The following NBEA variants were observed in gnomAD, a reference collection of about 807,000 sequenced individuals.
NBEA encodes neurobeachin.
In NBEA, 44 loss-of-function variants were observed where a neutral mutation model predicts 343.4. That is an observed-to-expected ratio of 0.13 (90% CI 0.10 to 0.16). The LOEUF is 0.16. NBEA is among the 10% of genes least tolerant of loss of function. The probability of loss-of-function intolerance (pLI) is 1.00; values close to 1 mark genes in which losing one functional copy is unlikely to be tolerated. For synonymous variants in NBEA, 1,175 were observed against 1,238.7 expected (o/e 0.95, Z 1.08); for missense variants, 2,555 against 3,631.3 (o/e 0.70, Z 7.62).
At chr13:35,648,604 C>T (rs2084360919) in intron 51 of NBEA, among the ~76,000 whole-genome samples, 1 of 152,082 alleles carries the variant, frequency 6.6e-6, no homozygotes, top group African/African-American at 2.4e-5. Flanking sequence ...AAACTCTAAG[C>T]TTTCTAAGTT....
At chr13:35,291,909 A>G (rs1056303353) in intron 35 of NBEA, among the ~76,000 whole-genome samples, 2 of 152,024 alleles carry the variant, frequency 1.3e-5, no homozygotes, top group African/African-American at 2.4e-5. Context: ...CAGCAAAGCA[A>G]TGTTGTAAAC....
At chr13:35,125,499 G>T (rs1467922395) in intron 17 of NBEA, among the ~76,000 whole-genome samples, 1 of 152,156 alleles carries the variant, frequency 6.6e-6, no homozygotes, top group Non-Finnish European at 1.5e-5. Context: ...ATATCACAAA[G>T]AATTACACAG....
chr13:34,943,686 C>T (rs899488600), intron 1 of NBEA, among the ~76,000 whole-genome samples: 11 of 152,126 alleles, frequency 7.2e-5, no homozygotes, highest in African/African-American at 2.7e-4. Context: ...TGTCTGTATC[C>T]ATCCCCCTCC....
chr13:35,001,330 A>G (rs752324726), intron 1 of NBEA, among the ~76,000 whole-genome samples: 3 of 152,168 alleles, frequency 2.0e-5, no homozygotes, highest in Non-Finnish European at 2.9e-5. Context: ...GGATATATCC[A>G]AATGAAAGAA....
chr13:35,122,141 G>C (rs2066835786), intron 16 of NBEA, among the ~76,000 whole-genome samples: 1 of 152,068 alleles, frequency 6.6e-6, no homozygotes, highest in Admixed American at 6.6e-5. Context: ...TTGTATATTA[G>C]TGGAGGCTAT....
chr13:35,264,462 C>T (rs1029740240), intron 34 of NBEA, among the ~76,000 whole-genome samples: 6 of 151,894 alleles, frequency 4.0e-5, no homozygotes, highest in African/African-American at 1.2e-4. Flanking sequence ...AACTGTAATA[C>T]GATATCCCTG....
intron 30 of NBEA, among the ~76,000 whole-genome samples, chr13:35,193,228 G>A (rs1423782505): frequency 6.6e-6 from 1 of 151,808 alleles, no homozygotes; most frequent in Admixed American, 6.6e-5. Flanking sequence ...ATATTCAGTG[G>A]TATCTCTAAT....
intron 41 of NBEA, among the ~76,000 whole-genome samples, chr13:35,550,182 G>T (rs1471843279): frequency 6.6e-6 from 1 of 152,152 alleles, no homozygotes. Context: ...TGTCTCACAG[G>T]TGGTCACCTG....
chr13:34,977,250 C>T (rs2060210579), intron 1 of NBEA, among the ~76,000 whole-genome samples: 1 of 150,680 alleles, frequency 6.6e-6, no homozygotes, highest in Admixed American at 6.6e-5. Flanking sequence ...AGACCTATTA[C>T]CTTTGCTTAT....
intron 1 of NBEA, among the ~76,000 whole-genome samples, chr13:35,023,333 A>G: frequency 6.6e-6 from 1 of 152,178 alleles, no homozygotes; most frequent in East Asian, 1.9e-4. Flanking sequence ...CCTACAGGTC[A>G]GATGCCTAAG....
chr13:35,270,776 G>C (rs59805883), intron 34 of NBEA, among the ~76,000 whole-genome samples: 6 of 152,180 alleles, frequency 3.9e-5, no homozygotes, highest in Non-Finnish European at 7.3e-5. Context: ...GGCAGGGGGA[G>C]GGGCATCTGC....
chr13:35,324,908 G>A (rs1380291947), intron 36 of NBEA, among the ~76,000 whole-genome samples: 2 of 152,008 alleles, frequency 1.3e-5, no homozygotes, highest in South Asian at 2.1e-4. Flanking sequence ...GGCTTTTTTG[G>A]TGAAAATTAA....
At chr13:35,505,668 C>T (rs900552895) in intron 41 of NBEA, among the ~76,000 whole-genome samples, 2 of 152,086 alleles carry the variant, frequency 1.3e-5, no homozygotes, top group Admixed American at 6.5e-5. Flanking sequence ...AAAATGCATT[C>T]CCTTAATAAC....
intron 34 of NBEA, among the ~76,000 whole-genome samples, chr13:35,256,087 G>A (rs1278213469): frequency 6.6e-6 from 1 of 151,994 alleles, no homozygotes; most frequent in African/African-American, 2.4e-5. Context: ...AGGAGACCCA[G>A]AGTGGGTAGC....
intron 27 of NBEA, among the ~76,000 whole-genome samples, chr13:35,174,364 C>A (rs1425874759): frequency 3.9e-5 from 6 of 152,002 alleles, no homozygotes; most frequent in Non-Finnish European, 8.8e-5. Flanking sequence ...AGGGTTGTTC[C>A]TTCTGTTTGT....
intron 4 of NBEA, among the ~76,000 whole-genome samples, chr13:35,048,009 T>G (rs1179105377): frequency 6.6e-6 from 1 of 151,844 alleles, no homozygotes. Flanking sequence ...GAATCCTTTT[T>G]GGTTATAAAT....
At chr13:35,656,857 A>G (rs1425449969) in intron 55 of NBEA, among the ~76,000 whole-genome samples, 3 of 152,228 alleles carry the variant, frequency 2.0e-5, no homozygotes, top group Admixed American at 1.3e-4. Flanking sequence ...ACAGAGATAA[A>G]AATTTTTCAG....
chr13:35,661,189 C>T (rs1402646225), intron 55 of NBEA, among the ~76,000 whole-genome samples: 1 of 152,162 alleles, frequency 6.6e-6, no homozygotes, highest in Non-Finnish European at 1.5e-5. Flanking sequence ...GATCAGAGAG[C>T]TTCAGGTTCC....
chr13:35,387,686 TGAAA>T, intron 38 of NBEA, among the ~76,000 whole-genome samples: 1 of 152,152 alleles, frequency 6.6e-6, no homozygotes, highest in Non-Finnish European at 1.5e-5. Flanking sequence ...TAAGTTAGCC[TGAAA>T]AGGTATTGAT....
Sources: gnomAD v4.1 joint callset for allele counts (sites outside exome capture counted in the v4.1 genomes callset) on GRCh38, gnomAD v4.1.1 for gene constraint, MANE v1.5 for transcripts, NCBI Gene and HGNC (gene_info 2026-07-23, HGNC 2026-07-21) for gene names.